The following MAGI2 variants were observed in gnomAD, a reference collection of about 807,000 sequenced individuals.
MAGI2 encodes membrane-associated guanylate kinase, WW and PDZ domain-containing protein 2.
In MAGI2, 35 loss-of-function variants were observed where a neutral mutation model predicts 133.3. That is an observed-to-expected ratio of 0.26 (90% CI 0.20 to 0.35). The LOEUF (loss-of-function observed/expected upper bound fraction) is 0.35, where lower values mean the gene tolerates loss of function less well. Among genes scored for constraint, MAGI2 ranks in the 10% least tolerant of loss-of-function variants. MAGI2 has a pLI of 1.00. For missense variants in MAGI2, 1,636 were observed against 1,863.4 expected, an observed-to-expected ratio of 0.88 and a Z score of 2.25; for synonymous variants, 729 against 710.6, an observed-to-expected ratio of 1.03 and a Z score of -0.41.
intron 2 of MAGI2, among the ~76,000 whole-genome samples, chr7:78,899,232 A>C (rs983069924): frequency 1.3e-4 from 20 of 152,316 alleles, no homozygotes; most frequent in African/African-American, 4.6e-4. Context: ...TATTGAAAGG[A>C]AAAAATGTCA....
chr7:78,695,822 C>CT (rs1356297540), intron 2 of MAGI2, among the ~76,000 whole-genome samples: 1 of 152,156 alleles, frequency 6.6e-6, no homozygotes, highest in Non-Finnish European at 1.5e-5. Flanking sequence ...GCCCAGTGGG[C>CT]TTGTTTCTGC....
chr7:78,657,451 C>A (rs1306145526), intron 2 of MAGI2, among the ~76,000 whole-genome samples: 1 of 152,128 alleles, frequency 6.6e-6, no homozygotes, highest in Non-Finnish European at 1.5e-5. Flanking sequence ...AATGGATAAA[C>A]TGTGGCACAT....
chr7:78,906,523 G>A (rs1001019395), intron 2 of MAGI2, among the ~76,000 whole-genome samples: 1 of 152,158 alleles, frequency 6.6e-6, no homozygotes, highest in African/African-American at 2.4e-5. Flanking sequence ...CCTGAGAGTG[G>A]AGAGGAATCT....
At chr7:79,304,887 G>C (rs1440136080) in intron 1 of MAGI2, among the ~76,000 whole-genome samples, 1 of 152,158 alleles carries the variant, frequency 6.6e-6, no homozygotes, top group African/African-American at 2.4e-5. Flanking sequence ...GTTAGGGAAT[G>C]TTTAATGGTG....
At chr7:78,900,684 A>G (rs1797558670) in intron 2 of MAGI2, among the ~76,000 whole-genome samples, 1 of 152,128 alleles carries the variant, frequency 6.6e-6, no homozygotes, top group South Asian at 2.1e-4. Context: ...ATGAAACTCT[A>G]TGTTCCTTTA....
rs1045706426 is a variant in MAGI2 at position 78,168,015 on chromosome 7, C to A, written c.2497G>T (p.Val833Leu). 1 of 1,614,062 alleles carries A rather than the reference C, an allele frequency of 6.2e-7. No homozygotes were observed. The highest frequency in any genetic ancestry group is 1.3e-5 in the African/African-American group (1 of 74,916). ...DELVYVDGIP[V>L]AGKTHRYVID... Reference sequence around the variant, plus strand: ...ACATAGCGGTGGGTTTTGCCGGCTACTGGAATCCCATCAACATACACAAGC... The same window carrying A: ...ACATAGCGGTGGGTTTTGCCGGCTAATGGAATCCCATCAACATACACAAGC... The change falls in exon 15 of 22, where the codon GTA becomes TTA. Residue 833 changes from valine to leucine, a missense_variant. Coordinates refer to ENST00000354212, the MANE Select transcript of MAGI2 (RefSeq NM_012301.4).
At position 78,298,044 on chromosome 7, in the gene MAGI2, T is replaced by TTGA. The variant is rs370681546; in HGVS notation, c.1409-41466_1409-41464dup. 3.1e-3 allele frequency among the ~76,000 whole-genome samples: 473 copies of TTGA among 152,212 alleles called. 2 individuals carry two copies. Among genetic ancestry groups the TTGA allele is most frequent in the African/African-American group, 0.011 (450 of 41,528 alleles). ...ATTAACATTAACAAGCAATGTCATG[T>TTGA]TGATAGCATATACTTTCGATATGAT... On this transcript the variant is annotated intron_variant, in intron 9 of 21. Coordinates refer to ENST00000354212, the MANE Select transcript of MAGI2 (RefSeq NM_012301.4).
At chr7:78,086,873 G>A (rs566163500) in intron 20 of MAGI2, among the ~76,000 whole-genome samples, 3 of 151,984 alleles carry the variant, frequency 2.0e-5, no homozygotes, top group Non-Finnish European at 4.4e-5. Flanking sequence ...GAGCTCAAGT[G>A]ATCCACCCAT....
Position 78,602,362 on chromosome 7 carries a change from G to A in MAGI2, c.538+24758C>T, listed in dbSNP as rs558359424. On this transcript the variant is annotated intron_variant, in intron 3 of 21. Coordinates refer to ENST00000354212, the MANE Select transcript of MAGI2 (RefSeq NM_012301.4). ...TTTAGTAGAAACGGGGTTTCACCAC[G>A]TTGGCCAAGCTGGTCTCAAACTTCT... is the stretch of plus-strand genomic sequence containing the variant. Among the ~76,000 whole-genome samples, 4 of 152,230 alleles carry A rather than the reference G, an allele frequency of 2.6e-5. No individual in the cohort carries two copies. In the East Asian group the frequency reaches 7.7e-4, roughly 29 times the overall value.
Position 78,332,029 on chromosome 7 carries a change from G to T in MAGI2, c.1408+11749C>A, listed in dbSNP as rs576561036. ...CAATACTGAAACTAGAAAAAAATGTGAAGTAGCACACTTCGCTATATCTGC... is the reference window on the plus strand; with the variant it reads ...CAATACTGAAACTAGAAAAAAATGTTAAGTAGCACACTTCGCTATATCTGC... On this transcript the variant is annotated intron_variant, in intron 9 of 21. Coordinates refer to ENST00000354212, the MANE Select transcript of MAGI2 (RefSeq NM_012301.4). Among the ~76,000 whole-genome samples the T allele has an allele frequency of 2.5e-4, 38 of 152,272 alleles. No individual in the cohort carries two copies. The South Asian group carries it at 3.1e-3, about 12-fold the overall frequency.
chr7:79,124,941 C>T (rs2129544909), intron 1 of MAGI2: 1 of 289,040 alleles, frequency 3.5e-6, no homozygotes, highest in Admixed American at 4.0e-5. Flanking sequence ...GAGGTGGATG[C>T]AGCCCTGAAT....
chr7:78,996,438 A>G (rs1806317748), intron 2 of MAGI2, among the ~76,000 whole-genome samples: 1 of 152,168 alleles, frequency 6.6e-6, no homozygotes, highest in Admixed American at 6.5e-5. Context: ...GTTCTCACTT[A>G]TAAGTGGGAA....
intron 3 of MAGI2, among the ~76,000 whole-genome samples, chr7:78,526,949 G>A (rs1797004349): frequency 7.0e-6 from 1 of 142,816 alleles, no homozygotes; most frequent in South Asian, 2.2e-4. Flanking sequence ...CAGAGGGTGC[G>A]GTCAGCCGAG....
At chr7:78,900,642 CT>C (rs781053598) in intron 2 of MAGI2, among the ~76,000 whole-genome samples, 17 of 152,166 alleles carry the variant, frequency 1.1e-4, no homozygotes, top group Non-Finnish European at 1.6e-4. Context: ...GTTGTCACCC[CT>C]ATGCCAACTG....
intron 1 of MAGI2, among the ~76,000 whole-genome samples, chr7:79,038,343 T>C (rs1449037688): frequency 1.3e-5 from 2 of 152,180 alleles, no homozygotes; most frequent in Non-Finnish European, 2.9e-5. Context: ...TCATGTATTT[T>C]TTTATTATGA....
At chr7:78,447,401 G>A (rs562788657) in intron 6 of MAGI2, among the ~76,000 whole-genome samples, 1 of 150,528 alleles carries the variant, frequency 6.6e-6, no homozygotes, top group African/African-American at 2.4e-5. Context: ...AGGCTCCCTG[G>A]TCTCAAATAT....
chr7:78,309,438 T>C (rs1021532596), intron 9 of MAGI2, among the ~76,000 whole-genome samples: 2 of 152,118 alleles, frequency 1.3e-5, no homozygotes, highest in Admixed American at 6.6e-5. Context: ...AAGGCAGGAA[T>C]AGAAAATCAA....
chr7:79,039,023 G>A (rs961467512), intron 1 of MAGI2, among the ~76,000 whole-genome samples: 1 of 152,124 alleles, frequency 6.6e-6, no homozygotes, highest in African/African-American at 2.4e-5. Flanking sequence ...GTTTGGCTGT[G>A]CCCCCACCCA....
At chr7:78,577,115 A>C (rs1003003292) in intron 3 of MAGI2, among the ~76,000 whole-genome samples, 4 of 152,230 alleles carry the variant, frequency 2.6e-5, no homozygotes, top group Admixed American at 1.3e-4. Flanking sequence ...TCTAAAGAAA[A>C]AGGATATTTT....
Sources: allele counts gnomAD v4.1 joint callset (sites outside exome capture counted in the v4.1 genomes callset), GRCh38; gene constraint gnomAD v4.1.1; transcripts MANE v1.5; gene names NCBI Gene and HGNC (gene_info 2026-07-23, HGNC 2026-07-21).